RBAK: variants seen among roughly 807,000 people sequenced by gnomAD.
RBAK encodes the protein RB-associated KRAB zinc finger protein.
A neutral mutation model predicts 65.8 loss-of-function variants in RBAK; 39 were observed. The observed-to-expected ratio is 0.59, with a 90% CI of 0.46 to 0.77. RBAK has a LOEUF of 0.77. Ranked by LOEUF, RBAK falls within the 30% of genes least tolerant of loss-of-function variation. The pLI is 0.00. For synonymous variants in RBAK, 343 were observed against 289.7 expected (o/e 1.18, Z -1.87); for missense variants, 884 against 855.1 (o/e 1.03, Z -0.42).
intron 2 of RBAK, among the ~76,000 whole-genome samples, chr7:5,049,339 T>C (rs892907034): frequency 6.6e-6 from 1 of 152,208 alleles, no homozygotes; most frequent in Non-Finnish European, 1.5e-5. Context: ...GAGTCCTAGA[T>C]CATGGGGGGA....
chr7:5,065,225 C>G lies in RBAK; in HGVS notation c.1769C>G (p.Thr590Arg). ...CTCTTCAGACATCAAAGAGTACACACAGGCGAGAAACCCTATGAATGTTAC... is the reference window on the plus strand; with the variant it reads ...CTCTTCAGACATCAAAGAGTACACAGAGGCGAGAAACCCTATGAATGTTAC... ...SSLFRHQRVH[T>R]GEKPYECYEC... Residue 590 changes from threonine to arginine, a missense_variant, in exon 5 of 5, where the codon ACA becomes AGA. By Grantham distance (71) the Thr-to-Arg change is moderately conservative. Coordinates refer to ENST00000396912, the MANE Select transcript of RBAK (RefSeq NM_021163.4). The surrounding 1 kb of genome is among the most constrained non-coding windows in gnomAD (Gnocchi z 5.3). 3.1e-6 allele frequency: 5 copies of G among 1,613,570 alleles called. No homozygotes were observed. Among genetic ancestry groups the G allele is most frequent in the Non-Finnish European group, 4.2e-6 (5 of 1,179,828 alleles).
rs1787968335 is a variant in RBAK, at chr7:5,046,022, C to T, written c.-419C>T. On this transcript the variant is annotated 5_prime_UTR_variant, in exon 1 of 5. Transcript: ENST00000396912. ...TGTGCAGGCCAGGGTTCGCGCGGGC[C>T]GGGTGGAGGCTTGAGCGGGGACCCC... The T allele has an allele frequency of 3.7e-6, 1 of 272,758 alleles. No homozygotes were observed. Among genetic ancestry groups the T allele is most frequent in the Non-Finnish European group, 7.0e-6 (1 of 142,466 alleles). The allele number at this position is 272,758 out of a possible 1,614,324, so 16.9% of individuals were successfully genotyped here.
chr7:5,064,984 C>T lies in RBAK; in HGVS notation c.1528C>T (p.Pro510Ser). Reference sequence around the variant, plus strand: ...TCATACAGCTCATTTAGAAGAGAAACCCTATGAATGTAATGAATGTGGGAA... The same window carrying T: ...TCATACAGCTCATTTAGAAGAGAAATCCTATGAATGTAATGAATGTGGGAA... The part of the protein sequence containing the change: ...DHHTAHLEEK[P>S]YECNECGKTF... The change falls in exon 5 of 5, where the codon CCC becomes TCC. Residue 510 changes from proline (P) to serine (S), a missense_variant. Physicochemically the swap from Pro to Ser is moderately conservative, Grantham distance 74. Transcript: ENST00000396912. This position sits in a 1 kb window ranked among gnomAD's most constrained non-coding sequence, Gnocchi z 6.3. The T allele has an allele frequency of 6.2e-7, 1 of 1,614,070 alleles. No individual in the cohort carries two copies. Among genetic ancestry groups the T allele is most frequent in the African/African-American group, 1.3e-5 (1 of 75,036 alleles).
chr7:5,050,413 G>A (rs1300943558), intron 2 of RBAK, among the ~76,000 whole-genome samples: 6 of 152,090 alleles, frequency 3.9e-5, no homozygotes, highest in Non-Finnish European at 5.9e-5. Flanking sequence ...CAGCTGTACC[G>A]TACGTGGCAT....
intron 2 of RBAK, among the ~76,000 whole-genome samples, chr7:5,053,174 C>G (rs545452616): frequency 6.6e-6 from 1 of 152,276 alleles, no homozygotes; most frequent in South Asian, 2.1e-4. Flanking sequence ...TTTACTTCTG[C>G]CTCAAGGACT....
chr7:5,055,095 CTTAG>C (rs1583455999), intron 2 of RBAK, among the ~76,000 whole-genome samples: 1 of 151,978 alleles, frequency 6.6e-6, no homozygotes. Flanking sequence ...TTTACTTTTT[CTTAG>C]TTATATTCCT....
Position 5,064,012 on chromosome 7 carries a change from A to G in RBAK, c.556A>G (p.Thr186Ala), listed in dbSNP as rs772130627. 6.2e-7 allele frequency: 1 copy of G among 1,613,470 alleles called. No homozygotes were observed. The highest frequency in any genetic ancestry group is 8.5e-7 in the Non-Finnish European group (1 of 1,179,804). Reference sequence around the variant, plus strand: ...GTGTGAATTTAATCAAAATGGGGATACCTATTCTCACAATGAAGAAAATAT... The same window carrying G: ...GTGTGAATTTAATCAAAATGGGGATGCCTATTCTCACAATGAAGAAAATAT... ...KMCEFNQNGDTYSHNEENILQ... is the reference protein window; with the variant it reads ...KMCEFNQNGDAYSHNEENILQ... The change falls in exon 5 of 5, where the codon ACC (threonine) becomes GCC (alanine). Residue 186 changes from threonine to alanine, a missense_variant. By Grantham distance (58) the Thr-to-Ala change is moderately conservative. Transcript: ENST00000396912. This position sits in a 1 kb window ranked among gnomAD's most constrained non-coding sequence, Gnocchi z 6.3.
chr7:5,056,699 A>T (rs1778926257), intron 2 of RBAK, among the ~76,000 whole-genome samples: 1 of 152,158 alleles, frequency 6.6e-6, no homozygotes, highest in African/African-American at 2.4e-5. Context: ...TTTGAGATAA[A>T]ACTCAGCCAT....
At chr7:5,050,625 C>G (rs1218612400) in intron 2 of RBAK, among the ~76,000 whole-genome samples, 1 of 152,192 alleles carries the variant, frequency 6.6e-6, no homozygotes, top group African/African-American at 2.4e-5. Context: ...CACTCTGTCA[C>G]CCAGGCTGTC....
chr7:5,060,230 A>T (rs1013082543), intron 4 of RBAK, among the ~76,000 whole-genome samples: 2 of 152,174 alleles, frequency 1.3e-5, no homozygotes, highest in African/African-American at 4.8e-5. Context: ...TTATTGACTT[A>T]CCAAGGAGCT....
In RBAK at chr7:5,045,969, C is replaced by G. The variant is rs1562530832; in HGVS notation, c.-472C>G. ...CCTGCGGGGCTGGAGGTTGAGCGCC[C>G]GGGCCAGCACCTAGGCGGGCGCGGG... On this transcript the variant is annotated 5_prime_UTR_variant, in exon 1 of 5. Coordinates refer to ENST00000396912, the MANE Select transcript of RBAK (RefSeq NM_021163.4). 1 of 305,332 alleles carries G rather than the reference C, an allele frequency of 3.3e-6. No individual in the cohort carries two copies. Among genetic ancestry groups the G allele is most frequent in the Non-Finnish European group, 6.1e-6 (1 of 163,254 alleles). The allele number at this position is 305,332 out of a possible 1,614,324, so 18.9% of individuals were successfully genotyped here. A position where few individuals can be genotyped will look rare whatever the true frequency, so the allele number is the denominator to read the frequency against.
Position 5,066,071 on chromosome 7 carries a change from T to C in RBAK, c.*470T>C, listed in dbSNP as rs984130669. ...AAGTTTTTAAATTGTCAGGAGTTGA[T>C]CATGAGGACAGTAGCATTAAATAAG... On this transcript the variant is annotated 3_prime_UTR_variant, in exon 5 of 5. Transcript: ENST00000396912. 3 of 152,752 alleles carry C rather than the reference T, an allele frequency of 2.0e-5. No individual in the cohort carries two copies. The highest frequency in any genetic ancestry group is 7.2e-5 in the African/African-American group (3 of 41,456). 9.5% of individuals were successfully genotyped at this position (152,752 alleles called of 1,614,324 possible).
Position 5,064,822 on chromosome 7 carries a change from C to T in RBAK, c.1366C>T (p.Pro456Ser). 1 of 1,614,034 alleles carries T rather than the reference C, an allele frequency of 6.2e-7. No individual in the cohort carries two copies. The highest frequency in any genetic ancestry group is 8.5e-7 in the Non-Finnish European group (1 of 1,179,954). ...TTATAGAAGTCATTTAGAAGAGAAA[C>T]CCTATGAATGTAATGAATGTGGCAA... ...IHYRSHLEEKPYECNECGKTF... is the reference protein window; with the variant it reads ...IHYRSHLEEKSYECNECGKTF... The change falls in exon 5 of 5, where the codon CCC becomes TCC. Residue 456 changes from proline to serine, a missense_variant. Transcript: ENST00000396912. The surrounding 1 kb of genome is among the most constrained non-coding windows in gnomAD (Gnocchi z 6.3).
chr7:5,057,092 A>G (rs1372474658), intron 2 of RBAK: 3 of 200,438 alleles, frequency 1.5e-5, no homozygotes, highest in Non-Finnish European at 2.7e-5. Context: ...TATATTATAT[A>G]TATTTATATA....
intron 4 of RBAK, among the ~76,000 whole-genome samples, chr7:5,062,533 G>A (rs186473820): frequency 1.7e-3 from 264 of 152,250 alleles, no homozygotes; most frequent in Non-Finnish European, 2.9e-3. Context: ...CCACAGGACC[G>A]GGGCAAAATT....
chr7:5,046,704 C>T (rs558077333), intron 1 of RBAK, among the ~76,000 whole-genome samples: 1 of 152,190 alleles, frequency 6.6e-6, no homozygotes, highest in Non-Finnish European at 1.5e-5. Flanking sequence ...TCTAAACGTC[C>T]GTCAGCGCCT....
In RBAK at chr7:5,063,819, T is replaced by A. The variant is rs900129755; in HGVS notation, c.363T>A (p.Ile121=). The A allele has an allele frequency of 1.2e-6, 2 of 1,613,912 alleles. No homozygotes were observed. The highest frequency in any genetic ancestry group is 2.2e-5 in the East Asian group (1 of 44,864). ...AGAAAGAGAATACATTTAGTCAAAT[T>A]TACATGGAAACAAGCCTTGTTCCTT... is the stretch of plus-strand genomic sequence containing the variant. ...TEEKENTFSQ[I]YMETSLVPSS... The change falls in exon 5 of 5, where the codon ATT becomes ATA. Residue 121 remains isoleucine (I), a synonymous_variant. Coordinates refer to ENST00000396912, the MANE Select transcript of RBAK (RefSeq NM_021163.4).
In RBAK at chr7:5,065,325, T is replaced by A; in HGVS notation, c.1869T>A (p.Tyr623Ter). ...HHRIHSGEKP[Y>*]ECSKCGKVFS... ...GAATTCATTCAGGAGAGAAACCCTA[T>A]GAATGTAGTAAATGTGGAAAAGTCT... Residue 623 changes from tyrosine (Y) to a stop codon, truncating the protein, a stop_gained, in exon 5 of 5, where the codon TAT becomes TAA. Transcript: ENST00000396912. LOFTEE classifies it high-confidence loss of function. The surrounding 1 kb of genome is among the most constrained non-coding windows in gnomAD (Gnocchi z 5.3). 1 of 1,613,924 alleles carries A rather than the reference T, an allele frequency of 6.2e-7. No homozygotes were observed. The highest frequency in any genetic ancestry group is 8.5e-7 in the Non-Finnish European group (1 of 1,179,896).
intron 2 of RBAK, among the ~76,000 whole-genome samples, chr7:5,053,315 C>T (rs1242076159): frequency 6.6e-6 from 1 of 152,134 alleles, no homozygotes; most frequent in Non-Finnish European, 1.5e-5. Flanking sequence ...TATTGTCTTC[C>T]TGCTTACATT....
Sources: gnomAD v4.1 joint callset for allele counts (sites outside exome capture counted in the v4.1 genomes callset) on GRCh38, gnomAD v4.1.1 for gene constraint, Gnocchi (gnomAD v3.1) non-coding constraint, MANE v1.5 for transcripts, NCBI Gene and HGNC (gene_info 2026-07-23, HGNC 2026-07-21) for gene names.